Variants in EEF2K observed in about 807,000 individuals in gnomAD.
EEF2K encodes alternative protein EEF2K.
EEF2K carries 70 observed loss-of-function variants against 93.8 expected under a neutral mutation model. The ratio of observed to expected loss-of-function variants is 0.75; its 90% CI spans 0.62 to 0.91. The LOEUF (loss-of-function observed/expected upper bound fraction) is 0.91. EEF2K is among the 40% of genes least tolerant of loss of function. The pLI is 0.00. For missense variants in EEF2K, 935 were observed against 972.9 expected (o/e 0.96, Z 0.52); for synonymous variants, 376 against 380.8 (o/e 0.99, Z 0.15).
chr16:22,225,605 G>T (rs1188769978), intron 1 of EEF2K, 49 bp from the exon 2 acceptor site: 4 of 1,444,020 alleles, frequency 2.8e-6, no homozygotes, highest in East Asian at 4.7e-5. Context: ...GGGCGAATTC[G>T]CAGCCCTGGG....
At chr16:22,251,416 CTTT>C (rs113591855) in intron 6 of EEF2K, 94 bp downstream of exon 6, 1,872 of 1,120,838 alleles carry the variant, frequency 1.7e-3, no homozygotes, top group Middle Eastern at 3.0e-3. Context: ...ATTTCACCTT[CTTT>C]TTTTTTTTTT....
chr16:22,263,074 G>T lies in EEF2K; in HGVS notation c.1300-36G>T. The stretch of plus-strand genomic sequence containing the variant: ...CATAACCATTTCCAGGTGCTCAGGG[G>T]ACCACCAGGACCCTAAGGCCGTCTT... On this transcript the variant is annotated intron_variant, in intron 11 of 17. Transcript: ENST00000263026. 3 of 1,599,442 alleles carry T rather than the reference G, an allele frequency of 1.9e-6. No individual in the cohort carries two copies. The South Asian group carries it at 3.3e-5, about 18-fold the overall frequency.
At chr16:22,236,329 AG>A (rs1388405394) in intron 2 of EEF2K, among the ~76,000 whole-genome samples, 1 of 145,224 alleles carries the variant, frequency 6.9e-6, no homozygotes, top group African/African-American at 2.6e-5. Flanking sequence ...GCTGTCTCTG[AG>A]TTGTATTTCT....
chr16:22,257,103 T>A, intron 7 of EEF2K, 150 bp from the exon 8 acceptor site: 1 of 1,421,284 alleles, frequency 7.0e-7, no homozygotes, highest in Non-Finnish European at 9.5e-7. Flanking sequence ...CCAAGGTCCC[T>A]GCCCAACTGA....
intron 3 of EEF2K, among the ~76,000 whole-genome samples, chr16:22,245,281 A>C (rs965195116): frequency 3.9e-5 from 6 of 152,114 alleles, no homozygotes; most frequent in African/African-American, 1.4e-4. Context: ...AATAAAATAA[A>C]ATAAAATTGT....
At chr16:22,259,838 T>C (rs1349351394) in intron 10 of EEF2K, among the ~76,000 whole-genome samples, 1 of 152,054 alleles carries the variant, frequency 6.6e-6, no homozygotes, top group East Asian at 1.9e-4. Context: ...TTGCAATCTC[T>C]ACCTCCTGGG....
rs1452610016 is a variant in EEF2K at position 22,286,081 on chromosome 16, A to G, written c.*2085A>G. 1 of 152,198 alleles carries G rather than the reference A, an allele frequency of 6.6e-6. No individual in the cohort carries two copies. Among genetic ancestry groups the G allele is most frequent in the Non-Finnish European group, 1.5e-5 (1 of 68,040 alleles). 9.4% of individuals were successfully genotyped at this position (152,198 alleles called of 1,614,324 possible). On this transcript the variant is annotated 3_prime_UTR_variant, in exon 18 of 18. Transcript: ENST00000263026. The stretch of plus-strand genomic sequence containing the variant: ...GTGTGTACCCTTAAATGAACAATGA[A>G]GCAGGTAAAATTACCCTTGAAAAAA...
intron 1 of EEF2K, among the ~76,000 whole-genome samples, chr16:22,215,105 A>C (rs1002835525): frequency 6.6e-6 from 1 of 152,196 alleles, no homozygotes; most frequent in Non-Finnish European, 1.5e-5. Flanking sequence ...GAAGACTCCT[A>C]TACAAACGAG....
At chr16:22,267,390 C>T (rs946459629) in intron 15 of EEF2K, among the ~76,000 whole-genome samples, 3 of 151,858 alleles carry the variant, frequency 2.0e-5, no homozygotes, top group Non-Finnish European at 4.4e-5. Flanking sequence ...GCCAGGAGAT[C>T]GAGACCAGCC....
intron 14 of EEF2K, 53 bp from the exon 15 acceptor site, chr16:22,266,635 G>A (rs1484182735): frequency 1.3e-6 from 2 of 1,586,618 alleles, no homozygotes; most frequent in Non-Finnish European, 1.7e-6. Flanking sequence ...GCGGTCTTGG[G>A]TGCGGCTTTG....
rs1426599089 is a variant in EEF2K, at chr16:22,283,044, C to T, written c.2069-843C>T. ...TGCAAATCTAGGCTGGGCAGTGGCT[C>T]GCGCCTGTAATCCCAGCACTTTGGG... On this transcript the variant is annotated intron_variant, in intron 17 of 17. Transcript: ENST00000263026. 4.6e-5 allele frequency among the ~76,000 whole-genome samples: 7 copies of T among 152,236 alleles called. No individual in the cohort carries two copies. The East Asian group carries it at 1.2e-3, about 25-fold the overall frequency.
At chr16:22,257,179 C>T (rs2047410025) in intron 7 of EEF2K, 74 bp from the exon 8 acceptor site, 2 of 1,602,392 alleles carry the variant, frequency 1.2e-6, no homozygotes, top group South Asian at 1.1e-5. Context: ...TCAGCATGGG[C>T]AGAGGCGTGG....
intron 2 of EEF2K, among the ~76,000 whole-genome samples, chr16:22,239,906 C>A (rs984103487): frequency 1.3e-5 from 2 of 151,908 alleles, no homozygotes; most frequent in African/African-American, 4.8e-5. Context: ...AGATCGAGAC[C>A]ATCCTGGCCA....
At chr16:22,263,782 G>A (rs1243459428) in intron 12 of EEF2K, among the ~76,000 whole-genome samples, 1 of 152,254 alleles carries the variant, frequency 6.6e-6, no homozygotes, top group East Asian at 1.9e-4. Flanking sequence ...AGGATCCTGG[G>A]TAATAGCTGG....
At chr16:22,271,156 GA>G (rs1331409037) in intron 15 of EEF2K, among the ~76,000 whole-genome samples, 1 of 151,522 alleles carries the variant, frequency 6.6e-6, no homozygotes, top group African/African-American at 2.4e-5. Context: ...TTTTAGTAGA[GA>G]AGGGATTTCA....
At chr16:22,249,358 G>A (rs2047326700) in intron 4 of EEF2K, among the ~76,000 whole-genome samples, 1 of 151,550 alleles carries the variant, frequency 6.6e-6, no homozygotes, top group Non-Finnish European at 1.5e-5. Flanking sequence ...ATTGAAGTTA[G>A]GATTGCTTTA....
chr16:22,237,767 T>C (rs1475819940), intron 2 of EEF2K, among the ~76,000 whole-genome samples: 1 of 152,196 alleles, frequency 6.6e-6, no homozygotes. Flanking sequence ...CAACTTCTTA[T>C]CCCTTTCTAT....
Position 22,260,463 on chromosome 16 carries a change from T to C in EEF2K, c.1233T>C (p.His411=), listed in dbSNP as rs906448429. ...TGATGTCTGTTTCTCCCTGCCCAGA[T>C]TGGCCAGTGTTCAGTGACCTCGATA... is the stretch of plus-strand genomic sequence containing the variant. The part of the protein sequence containing the change: ...TPHSQKLDHL[H]WPVFSDLDNM... The change falls in exon 11 of 18, where the codon CAT becomes CAC. Residue 411 remains histidine, a splice_region_variant and synonymous_variant. Transcript: ENST00000263026. 7 of 1,614,076 alleles carry C rather than the reference T, an allele frequency of 4.3e-6. No individual in the cohort carries two copies. Among genetic ancestry groups the C allele is most frequent in the South Asian group, 2.2e-5 (2 of 91,078 alleles).
intron 6 of EEF2K, among the ~76,000 whole-genome samples, chr16:22,251,524 G>C (rs1179323332): frequency 6.6e-6 from 1 of 151,526 alleles, no homozygotes; most frequent in Non-Finnish European, 1.5e-5. Flanking sequence ...AGGTTCAAGC[G>C]ATTCTCCTGC....
Sources: allele counts gnomAD v4.1 joint callset (sites outside exome capture counted in the v4.1 genomes callset), GRCh38; gene constraint gnomAD v4.1.1; transcripts MANE v1.5; gene names NCBI Gene and HGNC (gene_info 2026-07-23, HGNC 2026-07-21).